Variants in ITGBL1 observed in about 807,000 individuals in gnomAD.
ITGBL1 encodes the protein integrin subunit beta like 1, also known as integrin beta-like protein 1.
ITGBL1 carries 51 observed loss-of-function variants against 68.5 expected under a neutral mutation model. The ratio of observed to expected loss-of-function variants is 0.74; its 90% CI spans 0.59 to 0.94. The LOEUF is 0.94. ITGBL1 is among the 40% of genes least tolerant of loss of function. The pLI, the probability that ITGBL1 is intolerant of heterozygous loss-of-function variation, is 0.00. For synonymous variants in ITGBL1, 209 were observed against 227.3 expected (o/e 0.92, Z 0.72); for missense variants, 649 against 647.4 (o/e 1.00, Z -0.03).
At chr13:101,588,297 T>TTGGTGTGTGTGTGTGTGTGTG (rs1555360537) in intron 6 of ITGBL1, among the ~76,000 whole-genome samples, 8 of 149,672 alleles carry the variant, frequency 5.3e-5, no homozygotes, top group African/African-American at 1.2e-4. Context: ...TATTCTTCCA[T>TTGGTGTGTGTGTGTGTGTGTG]TGTGTGTGTG....
intron 7 of ITGBL1, among the ~76,000 whole-genome samples, chr13:101,631,913 T>G (rs531702502): frequency 6.6e-6 from 1 of 152,098 alleles, no homozygotes; most frequent in Non-Finnish European, 1.5e-5. Flanking sequence ...TTCCACACAG[T>G]ATATACAACC....
chr13:101,586,178 T>C lies in ITGBL1; in HGVS notation c.868+2822T>C, dbSNP rs577891359. Among the ~76,000 whole-genome samples, 4 of 152,324 alleles carry C rather than the reference T, an allele frequency of 2.6e-5. No homozygotes were observed. In the East Asian group the frequency reaches 7.7e-4, roughly 29 times the overall value. On this transcript the variant is annotated intron_variant, in intron 6 of 10. Transcript: ENST00000376180. ...GGAATCTAATTTTCCACCTCACCTATTCCCCTCCAACCCCTCTTCCCTGTT... is the reference window on the plus strand; with the variant it reads ...GGAATCTAATTTTCCACCTCACCTACTCCCCTCCAACCCCTCTTCCCTGTT...
chr13:101,576,467 G>A (rs2050360973), intron 4 of ITGBL1, among the ~76,000 whole-genome samples: 1 of 152,138 alleles, frequency 6.6e-6, no homozygotes, highest in Admixed American at 6.6e-5. Flanking sequence ...GAATCATTTG[G>A]TTTAGGTAAA....
At chr13:101,542,707 C>T (rs978767019) in intron 2 of ITGBL1, among the ~76,000 whole-genome samples, 1 of 152,110 alleles carries the variant, frequency 6.6e-6, no homozygotes. Flanking sequence ...CTTTGTAGGT[C>T]TCTAAGGACT....
intron 7 of ITGBL1, among the ~76,000 whole-genome samples, chr13:101,676,889 C>T (rs1170782527): frequency 1.3e-5 from 2 of 152,012 alleles, no homozygotes; most frequent in East Asian, 3.9e-4. Flanking sequence ...ACCTGTAATC[C>T]CAGCACTTTG....
chr13:101,509,377 G>A (rs1371415227), intron 2 of ITGBL1, among the ~76,000 whole-genome samples: 1 of 152,136 alleles, frequency 6.6e-6, no homozygotes, highest in East Asian at 1.9e-4. Context: ...TGGGGACACA[G>A]CCAAACCATA....
chr13:101,475,799 G>C (rs890994912), intron 2 of ITGBL1, among the ~76,000 whole-genome samples: 1 of 148,790 alleles, frequency 6.7e-6, no homozygotes, highest in African/African-American at 2.5e-5. Flanking sequence ...TGGGGGGCAG[G>C]TGGTGGGGGC....
intron 7 of ITGBL1, among the ~76,000 whole-genome samples, chr13:101,642,552 A>G (rs2032418582): frequency 6.6e-6 from 1 of 152,086 alleles, no homozygotes; most frequent in Admixed American, 6.6e-5. Flanking sequence ...TGCTGTGCAG[A>G]AGCTCTGTAG....
At chr13:101,465,878 T>C (rs2139632053) in intron 2 of ITGBL1, among the ~76,000 whole-genome samples, 1 of 152,330 alleles carries the variant, frequency 6.6e-6, no homozygotes, top group African/African-American at 2.4e-5. Context: ...AATAAATATT[T>C]AGGTAAAGGC....
chr13:101,681,993 A>T (rs1321300729), intron 7 of ITGBL1, among the ~76,000 whole-genome samples: 2 of 152,184 alleles, frequency 1.3e-5, no homozygotes, highest in Admixed American at 1.3e-4. Context: ...AGTTTTAGAA[A>T]ATTAACCTCT....
chr13:101,704,473 TATTC>T (rs1028402280), intron 8 of ITGBL1, among the ~76,000 whole-genome samples: 3 of 113,592 alleles, frequency 2.6e-5, no homozygotes, highest in African/African-American at 1.0e-4. Flanking sequence ...TACCTGCACT[TATTC>T]ATTCAGTAAA....
intron 2 of ITGBL1, among the ~76,000 whole-genome samples, chr13:101,484,392 T>C (rs1054984415): frequency 2.6e-5 from 4 of 152,178 alleles, no homozygotes; most frequent in African/African-American, 9.6e-5. Context: ...ACATGGTTTA[T>C]TTAATTCTTA....
At chr13:101,598,600 A>G (rs1394298087) in intron 7 of ITGBL1, among the ~76,000 whole-genome samples, 3 of 151,926 alleles carry the variant, frequency 2.0e-5, no homozygotes, top group Non-Finnish European at 4.4e-5. Context: ...CCCACCACAC[A>G]ACAGTCCCCA....
intron 2 of ITGBL1, among the ~76,000 whole-genome samples, chr13:101,534,302 T>C (rs1381856654): frequency 6.6e-6 from 1 of 152,228 alleles, no homozygotes; most frequent in African/African-American, 2.4e-5. Flanking sequence ...AAACAAGAAA[T>C]AGGTACGTAA....
intron 7 of ITGBL1, among the ~76,000 whole-genome samples, chr13:101,627,935 A>G (rs1378315433): frequency 1.3e-5 from 2 of 152,292 alleles, no homozygotes; most frequent in African/African-American, 4.8e-5. Context: ...TCATGTGGAC[A>G]TTAAGTTTTC....
intron 6 of ITGBL1, among the ~76,000 whole-genome samples, chr13:101,584,578 C>A (rs2050519077): frequency 6.6e-6 from 1 of 152,130 alleles, no homozygotes; most frequent in African/African-American, 2.4e-5. Flanking sequence ...CTGGGGAAAG[C>A]CTGCTGCTAA....
rs767708 is a variant in ITGBL1, at chr13:101,625,377, A to G, written c.1015+27078A>G. Among the ~76,000 whole-genome samples, 739 of 152,308 alleles carry G rather than the reference A, an allele frequency of 4.9e-3. 32 individuals are homozygous for G. The highest frequency in any genetic ancestry group is 0.042 in the Admixed American group (649 of 15,298). On this transcript the variant is annotated intron_variant, in intron 7 of 10. Coordinates refer to ENST00000376180, the MANE Select transcript of ITGBL1 (RefSeq NM_004791.3). Reference sequence around the variant, plus strand: ...GCCTTCGTATGTCTTTGCTTTGCCAATGAAAACTCAGCCGGCCAGGAACAA... The same window carrying G: ...GCCTTCGTATGTCTTTGCTTTGCCAGTGAAAACTCAGCCGGCCAGGAACAA...
intron 7 of ITGBL1, among the ~76,000 whole-genome samples, chr13:101,609,719 T>C (rs2031034285): frequency 6.6e-6 from 1 of 152,138 alleles, no homozygotes; most frequent in South Asian, 2.1e-4. Flanking sequence ...TTTTAAGAGA[T>C]GGTAGAAAAT....
rs558546296 is a variant in ITGBL1 at position 101,564,861 on chromosome 13, A to T, written c.317-2838A>T. 3.3e-5 allele frequency among the ~76,000 whole-genome samples: 5 copies of T among 151,870 alleles called. No homozygotes were observed. In the East Asian group the frequency reaches 9.7e-4, roughly 29 times the overall value. ...AGAAGATAGATGTCCCTAAAACTTA[A>T]AGTATAATAATAATAAAATTTAAAA... On this transcript the variant is annotated intron_variant, in intron 2 of 10. Transcript: ENST00000376180.
Sources: allele counts gnomAD v4.1 joint callset (sites outside exome capture counted in the v4.1 genomes callset), GRCh38; gene constraint gnomAD v4.1.1; transcripts MANE v1.5; gene names NCBI Gene and HGNC (gene_info 2026-07-23, HGNC 2026-07-21).